The following GCNT2 variants were observed in gnomAD, a reference collection of about 807,000 sequenced individuals.
GCNT2 encodes glucosaminyl (N-acetyl) transferase 2 (I blood group).
In GCNT2, 34 loss-of-function variants were observed where a neutral mutation model predicts 34.2. The ratio of observed to expected loss-of-function variants is 1.00; its 90% CI spans 0.76 to 1.32. The LOEUF (loss-of-function observed/expected upper bound fraction) is 1.32. Ranked by LOEUF, GCNT2 falls within the 40% of genes most tolerant of loss-of-function variation. The pLI is 0.00. For missense variants in GCNT2, 584 were observed against 489.4 expected, an observed-to-expected ratio of 1.19 and a Z score of -1.82; for synonymous variants, 212 against 188.0, an observed-to-expected ratio of 1.13 and a Z score of -1.04.
chr6:10,613,832 T>G (rs1036521008), intron 3 of GCNT2, among the ~76,000 whole-genome samples: 1 of 152,102 alleles, frequency 6.6e-6, no homozygotes, highest in African/African-American at 2.4e-5. Context: ...TTTGGAGACG[T>G]TGGATGATGT....
chr6:10,604,567 G>T (rs1765227800), intron 3 of GCNT2, among the ~76,000 whole-genome samples: 1 of 152,130 alleles, frequency 6.6e-6, no homozygotes, highest in Non-Finnish European at 1.5e-5. Context: ...ATACTATGAA[G>T]TATTATCTCT....
At chr6:10,539,057 T>C (rs1223589757) in intron 3 of GCNT2, among the ~76,000 whole-genome samples, 1 of 152,036 alleles carries the variant, frequency 6.6e-6, no homozygotes, top group African/African-American at 2.4e-5. Flanking sequence ...GGTGAATGGT[T>C]TGGAAAAATA....
Position 10,621,273 on chromosome 6 carries a change from T to G in GCNT2, c.926-78T>G, listed in dbSNP as rs539380177. 2.5e-4 allele frequency: 224 copies of G among 908,306 alleles called. No homozygotes were observed. In the African/African-American group the frequency reaches 3.4e-3, roughly 14 times the overall value. The allele number at this position is 908,306 out of a possible 1,614,324, so 56.3% of individuals were successfully genotyped here. A position where few individuals can be genotyped will look rare whatever the true frequency, so the allele number is the denominator to read the frequency against. ...TAAACTGAAAGAAAGTAAGCCTGAC[T>G]TAGAGGCTTAATTGATGAAATTGAT... On this transcript the variant is annotated intron_variant, in intron 3 of 4. Transcript: ENST00000495262.
intron 3 of GCNT2, among the ~76,000 whole-genome samples, chr6:10,562,509 A>T (rs1168437378): frequency 1.3e-5 from 2 of 151,980 alleles, no homozygotes; most frequent in African/African-American, 4.8e-5. Context: ...CTTGAGCCCA[A>T]GAGTTTGAGA....
chr6:10,556,878 C>G (rs1329408387), intron 3 of GCNT2: 1 of 1,614,172 alleles, frequency 6.2e-7, no homozygotes, highest in Non-Finnish European at 8.5e-7. Flanking sequence ...TTTCTGGCTT[C>G]CAAGATGGAA....
chr6:10,575,536 G>T (rs1763768769), intron 3 of GCNT2, among the ~76,000 whole-genome samples: 1 of 151,796 alleles, frequency 6.6e-6, no homozygotes, highest in Admixed American at 6.6e-5. Flanking sequence ...TAATTTTTTT[G>T]TATTTTTAGT....
At chr6:10,620,765 C>T (rs1766001843) in intron 3 of GCNT2, among the ~76,000 whole-genome samples, 1 of 152,142 alleles carries the variant, frequency 6.6e-6, no homozygotes, top group African/African-American at 2.4e-5. Context: ...ATGACCTATC[C>T]AAAATTTATT....
chr6:10,540,483 C>T (rs1286774817), intron 3 of GCNT2, among the ~76,000 whole-genome samples: 2 of 152,184 alleles, frequency 1.3e-5, no homozygotes, highest in Admixed American at 1.3e-4. Context: ...TCTCTTGCAG[C>T]ACCTCTTCCA....
intron 4 of GCNT2, chr6:10,621,647 C>G (rs773576376): frequency 5.1e-5 from 29 of 565,744 alleles, no homozygotes; most frequent in Non-Finnish European, 8.7e-5. Context: ...CTTATAATTA[C>G]CTAGGGAGAT....
At chr6:10,563,764 A>AG (rs1763133889) in intron 3 of GCNT2, among the ~76,000 whole-genome samples, 1 of 55,394 alleles carries the variant, frequency 1.8e-5, no homozygotes, top group Non-Finnish European at 3.5e-5. Flanking sequence ...AAGAAAAAAA[A>AG]AAAAAAAAAA....
rs557143241 is a variant in GCNT2, at chr6:10,563,293, C to G, written c.925+33457C>G. ...CTGACCTAACCGTACCCTTTTCTCT[C>G]ATAAAAACATGTTCAATAATAATGT... is the stretch of plus-strand genomic sequence containing the variant. On this transcript the variant is annotated intron_variant, in intron 3 of 4. Transcript: ENST00000495262. Among the ~76,000 whole-genome samples the G allele has an allele frequency of 4.6e-5, 7 of 152,288 alleles. No individual in the cohort carries two copies. In the South Asian group the frequency reaches 1.0e-3, roughly 23 times the overall value.
At chr6:10,523,011 T>C (rs1760993001) in intron 1 of GCNT2, among the ~76,000 whole-genome samples, 1 of 152,254 alleles carries the variant, frequency 6.6e-6, no homozygotes, top group Non-Finnish European at 1.5e-5. Flanking sequence ...TATCTTTTCA[T>C]GTGCAAACGC....
At chr6:10,549,126 G>C (rs559885545) in intron 3 of GCNT2, among the ~76,000 whole-genome samples, 1 of 152,286 alleles carries the variant, frequency 6.6e-6, no homozygotes, top group African/African-American at 2.4e-5. Flanking sequence ...AGTGGGTAGA[G>C]GCCAGGGGTG....
At chr6:10,538,620 T>G (rs1272365218) in intron 3 of GCNT2, among the ~76,000 whole-genome samples, 1 of 151,680 alleles carries the variant, frequency 6.6e-6, no homozygotes, top group Non-Finnish European at 1.5e-5. Flanking sequence ...AACTGAGGAC[T>G]GCTAATGATT....
intron 3 of GCNT2, among the ~76,000 whole-genome samples, chr6:10,569,273 A>ACACACACACACACACACACACC (rs1561806920): frequency 9.3e-5 from 13 of 139,700 alleles, no homozygotes; most frequent in Admixed American, 1.4e-4. Flanking sequence ...ACACACACAC[A>ACACACACACACACACACACACC]CCCCCTAGGT....
chr6:10,569,235 CCACACACACACACACACACACA>C (rs373362957), intron 3 of GCNT2, among the ~76,000 whole-genome samples: 1 of 47,464 alleles, frequency 2.1e-5, no homozygotes, highest in Admixed American at 2.7e-4. Flanking sequence ...ACTCCCCCCG[CCACACACACACACACACACACA>C]CACACACACA....
intron 3 of GCNT2, chr6:10,555,676 C>G: frequency 2.1e-6 from 2 of 950,478 alleles, no homozygotes; most frequent in Non-Finnish European, 2.5e-6. Context: ...CCAAGGCGCC[C>G]CAGCAATTTC....
chr6:10,573,212 T>C, intron 3 of GCNT2: 4 of 984,380 alleles, frequency 4.1e-6, no homozygotes, highest in Non-Finnish European at 4.8e-6. Flanking sequence ...CTCTTGGAAC[T>C]TCTCAACTTC....
chr6:10,549,010 G>C lies in GCNT2; in HGVS notation c.925+19174G>C, dbSNP rs377435328. ...CTGACCTCGTGATCCACACGCCTTGGCCTTCTAAAGTGCTGGGATTGCAGG... is the reference window on the plus strand; with the variant it reads ...CTGACCTCGTGATCCACACGCCTTGCCCTTCTAAAGTGCTGGGATTGCAGG... On this transcript the variant is annotated intron_variant, in intron 3 of 4. Transcript: ENST00000495262. 1.4e-4 allele frequency among the ~76,000 whole-genome samples: 21 copies of C among 152,348 alleles called. No individual in the cohort carries two copies. The East Asian group carries it at 3.3e-3, about 24-fold the overall frequency.
Sources: gnomAD v4.1 joint callset for allele counts (sites outside exome capture counted in the v4.1 genomes callset) on GRCh38, gnomAD v4.1.1 for gene constraint, MANE v1.5 for transcripts, NCBI Gene and HGNC (gene_info 2026-07-23, HGNC 2026-07-21) for gene names.